The following XYLB variants were observed in gnomAD, a reference collection of about 807,000 sequenced individuals.
XYLB encodes xylulose kinase.
XYLB carries 62 observed loss-of-function variants against 78.7 expected under a neutral mutation model. That is an observed-to-expected ratio of 0.79 (90% CI 0.64 to 0.97). The LOEUF is 0.97. Ranked by LOEUF, XYLB falls within the 50% of genes least tolerant of loss-of-function variation. The pLI is 0.00. For synonymous variants in XYLB, 245 were observed against 247.4 expected, an observed-to-expected ratio of 0.99 and a Z score of 0.09; for missense variants, 687 against 676.8, an observed-to-expected ratio of 1.02 and a Z score of -0.17.
rs543667606 is a variant in XYLB, at chr3:38,370,287, G to A, written c.765+113G>A. 1,282 of 567,600 alleles carry A rather than the reference G, an allele frequency of 2.3e-3. 6 individuals carry two copies. The highest frequency in any genetic ancestry group is 3.3e-3 in the Non-Finnish European group (1,083 of 331,524). 35.2% of individuals were successfully genotyped at this position (567,600 alleles called of 1,614,324 possible). On this transcript the variant is annotated intron_variant, in intron 9 of 18. Coordinates refer to ENST00000207870, the MANE Select transcript of XYLB (RefSeq NM_005108.4). ...ACACACTCTGCACACACCCTTATTT[G>A]TTCACTCACCCACAGGCATACACAT...
At chr3:38,373,300 A>G (rs2070486) in intron 10 of XYLB, among the ~76,000 whole-genome samples, 1 of 151,722 alleles carries the variant, frequency 6.6e-6, no homozygotes, top group Non-Finnish European at 1.5e-5. Flanking sequence ...CTGAATAACA[A>G]CCTAACTACT....
chr3:38,413,367 G>C lies in XYLB; in HGVS notation c.*354G>C, dbSNP rs573415434. ...TCTAGGGACTCAAATCAGCAGAATG[G>C]GGGAGACAAAGCCCGGTCTCACCCC... On this transcript the variant is annotated 3_prime_UTR_variant, in exon 19 of 19. Coordinates refer to ENST00000207870, the MANE Select transcript of XYLB (RefSeq NM_005108.4). 1 of 202,698 alleles carries C rather than the reference G, an allele frequency of 4.9e-6. No individual in the cohort carries two copies. The highest frequency in any genetic ancestry group is 1.2e-4 in the East Asian group (1 of 8,468). The allele number at this position is 202,698 out of a possible 1,614,324, so 12.6% of individuals were successfully genotyped here.
At chr3:38,433,473 C>T in the XYLB span, among the ~76,000 whole-genome samples, 1 of 152,192 alleles carries the variant, frequency 6.6e-6, no homozygotes, top group African/African-American at 2.4e-5. Flanking sequence ...CCTATTGCAT[C>T]ATCAGGCTGC....
At chr3:38,425,292 C>T (rs1290081892), downstream of XYLB, among the ~76,000 whole-genome samples, 1 of 152,292 alleles carries the variant, frequency 6.6e-6, no homozygotes, top group East Asian at 1.9e-4. Flanking sequence ...AGACAATGCT[C>T]CAGGCTATAC....
At chr3:38,448,713 C>G in the XYLB span, among the ~76,000 whole-genome samples, 120 of 152,306 alleles carry the variant, frequency 7.9e-4, 1 homozygote, top group African/African-American at 2.7e-3. Context: ...TTGATCATGT[C>G]AAGGCTTGTT....
chr3:38,360,267 AG>A (rs1705891683), intron 2 of XYLB, 71 bp from the exon 3 acceptor site: 6 of 1,385,246 alleles, frequency 4.3e-6, no homozygotes, highest in South Asian at 3.5e-5. Context: ...CATCCACCAT[AG>A]GGTTTCTCCT....
the XYLB span, among the ~76,000 whole-genome samples, chr3:38,443,522 G>A: frequency 6.6e-6 from 1 of 152,126 alleles, no homozygotes; most frequent in Non-Finnish European, 1.5e-5. Flanking sequence ...GAACCACCAG[G>A]GTTTGTTTGT....
At chr3:38,388,628 AT>A (rs1707501511) in intron 15 of XYLB, among the ~76,000 whole-genome samples, 1 of 152,236 alleles carries the variant, frequency 6.6e-6, no homozygotes, top group Admixed American at 6.5e-5. Context: ...GTCTTTTCTA[AT>A]TTTTTGTATA....
At chr3:38,431,869 A>G in the XYLB span, among the ~76,000 whole-genome samples, 1 of 152,172 alleles carries the variant, frequency 6.6e-6, no homozygotes, top group Non-Finnish European at 1.5e-5. Context: ...CTATCATTAG[A>G]ACAGCATGGG....
intron 14 of XYLB, 51 bp from the exon 15 acceptor site, chr3:38,379,195 G>A (rs544825004): frequency 7.6e-6 from 12 of 1,572,450 alleles, no homozygotes; most frequent in Middle Eastern, 1.7e-4. Context: ...ATACACACAC[G>A]AATGGACAAT....
chr3:38,363,338 A>G (rs186674103), intron 4 of XYLB, among the ~76,000 whole-genome samples: 10 of 152,192 alleles, frequency 6.6e-5, no homozygotes, highest in Non-Finnish European at 1.2e-4. Flanking sequence ...GGGCACCACA[A>G]TTGCTTTTCT....
intron 15 of XYLB, among the ~76,000 whole-genome samples, chr3:38,394,548 CTAA>C (rs2125643143): frequency 6.6e-6 from 1 of 152,228 alleles, no homozygotes; most frequent in South Asian, 2.1e-4. Flanking sequence ...ACTGGTAGAT[CTAA>C]TACTGTGTTA....
chr3:38,366,769 T>C, intron 6 of XYLB, 39 bp from the exon 7 acceptor site: 2 of 1,370,742 alleles, frequency 1.5e-6, no homozygotes, highest in Non-Finnish European at 2.1e-6. Flanking sequence ...TCATTCTGTG[T>C]AGGATTTGGG....
chr3:38,360,518 A>G, intron 3 of XYLB, 110 bp downstream of exon 3: 1 of 878,378 alleles, frequency 1.1e-6, no homozygotes, highest in Non-Finnish European at 1.8e-6. Context: ...ATCTGTTGTC[A>G]CCAGGTCCTC....
At chr3:38,367,776 C>G (rs538433589) in intron 7 of XYLB, among the ~76,000 whole-genome samples, 1 of 152,252 alleles carries the variant, frequency 6.6e-6, no homozygotes, top group Non-Finnish European at 1.5e-5. Flanking sequence ...CTGAGAGTGT[C>G]CTGGTTGGTT....
chr3:38,366,907 C>T (rs765702353), intron 7 of XYLB, 34 bp downstream of exon 7: 1 of 1,425,926 alleles, frequency 7.0e-7, no homozygotes, highest in Admixed American at 1.7e-5. Context: ...TTGAAAGTCA[C>T]AGTTGAATTC....
intron 15 of XYLB, among the ~76,000 whole-genome samples, chr3:38,379,903 C>G (rs186558826): frequency 5.0e-4 from 76 of 152,228 alleles, no homozygotes; most frequent in Non-Finnish European, 8.4e-4. Flanking sequence ...TTATTTCTTA[C>G]AGTTATGGAG....
the XYLB span, among the ~76,000 whole-genome samples, chr3:38,435,679 G>A: frequency 6.6e-6 from 1 of 152,286 alleles, no homozygotes; most frequent in South Asian, 2.1e-4. Context: ...CTCCAGGATA[G>A]ACCATATGTT....
At chr3:38,390,989 A>T (rs1707627213) in intron 15 of XYLB, among the ~76,000 whole-genome samples, 1 of 152,158 alleles carries the variant, frequency 6.6e-6, no homozygotes, top group Non-Finnish European at 1.5e-5. Flanking sequence ...GGAGGCCGAT[A>T]CAGGCGGATC....
Sources: allele counts gnomAD v4.1 joint callset (sites outside exome capture counted in the v4.1 genomes callset), GRCh38; gene constraint gnomAD v4.1.1; transcripts MANE v1.5; gene names NCBI Gene and HGNC (gene_info 2026-07-23, HGNC 2026-07-21).